Variants in PPP1R12B observed in about 807,000 individuals in gnomAD.
PPP1R12B encodes the protein myosin phosphatase target subunit 2.
Under a neutral mutation model 126.1 loss-of-function variants are expected in PPP1R12B, and 76 were observed. The observed-to-expected ratio is 0.60, with a 90% confidence interval of 0.50 to 0.73. PPP1R12B has a LOEUF of 0.73. Among genes scored for constraint, PPP1R12B ranks in the 30% least tolerant of loss-of-function variants. The pLI is 0.00. For synonymous variants in PPP1R12B, 356 were observed against 434.7 expected (o/e 0.82, Z 2.25); for missense variants, 1,052 against 1,205.1 (o/e 0.87, Z 1.88).
At chr1:202,542,956 C>T (rs1272202788) in intron 18 of PPP1R12B, among the ~76,000 whole-genome samples, 1 of 152,100 alleles carries the variant, frequency 6.6e-6, no homozygotes, top group East Asian at 1.9e-4. Context: ...CAACATTCTT[C>T]AAAACGGAGG....
Position 202,517,480 on chromosome 1 carries a change from A to G in PPP1R12B, c.2490+20658A>G, listed in dbSNP as rs369983846. On this transcript the variant is annotated intron_variant, in intron 18 of 23. Coordinates refer to ENST00000608999, the MANE Select transcript of PPP1R12B (RefSeq NM_002481.4). ...TAAAAATATTGGGGCTTTTATTGTT[A>G]CTGCAACCCACAACTGACCTTTCAG... Among the ~76,000 whole-genome samples the G allele has an allele frequency of 6.0e-4, 92 of 152,300 alleles. No individual in the cohort carries two copies. In the South Asian group the frequency reaches 0.011, roughly 18 times the overall value.
chr1:202,522,245 AAG>A (rs1416449312), intron 18 of PPP1R12B, among the ~76,000 whole-genome samples: 5 of 152,210 alleles, frequency 3.3e-5, no homozygotes, highest in African/African-American at 1.2e-4. Context: ...TACTAAAGCA[AAG>A]AGTGTTAAAA....
At position 202,582,455 on chromosome 1, in the gene PPP1R12B, TATTC is replaced by T. The variant is rs1689597703; in HGVS notation, c.*1897_*1900del. The T allele has an allele frequency of 6.5e-6, 1 of 152,686 alleles. No individual in the cohort carries two copies. Among genetic ancestry groups the T allele is most frequent in the African/African-American group, 2.4e-5 (1 of 41,464 alleles). 9.5% of individuals were successfully genotyped at this position (152,686 alleles called of 1,614,324 possible). A position where few individuals can be genotyped will look rare whatever the true frequency, so the allele number is the denominator to read the frequency against. ...CTCATCATTTTAGGGTTGCCAGTGA[TATTC>T]AGTGTTTAGAGTGGTTCATTCCCTT... is the stretch of plus-strand genomic sequence containing the variant. On this transcript the variant is annotated 3_prime_UTR_variant, in exon 24 of 24. Coordinates refer to ENST00000608999, the MANE Select transcript of PPP1R12B (RefSeq NM_002481.4).
At position 202,441,043 on chromosome 1, in the gene PPP1R12B, A is replaced by C. The variant is rs1671540918; in HGVS notation, c.1541+255A>C. ...TCCCTGATTTTTCCACACATGCATT[A>C]GTTTTATTCTACCAGCAGGCTCTGT... On this transcript the variant is annotated intron_variant, in intron 11 of 23. Coordinates refer to ENST00000608999, the MANE Select transcript of PPP1R12B (RefSeq NM_002481.4). Among the ~76,000 whole-genome samples, 3 of 152,106 alleles carry C rather than the reference A, an allele frequency of 2.0e-5. No homozygotes were observed. The South Asian group carries it at 6.2e-4, about 31-fold the overall frequency.
Position 202,452,698 on chromosome 1 carries a change from G to A in PPP1R12B, c.1850+3527G>A, listed in dbSNP as rs115706431. ...CTTTTGTATGTTGATTTTGAATTCT[G>A]CAACTTTATTGAATTTTTCAGTTCT... On this transcript the variant is annotated intron_variant, in intron 13 of 23. Transcript: ENST00000608999. 3.9e-3 allele frequency among the ~76,000 whole-genome samples: 588 copies of A among 152,250 alleles called. 2 individuals carry two copies. Among genetic ancestry groups the A allele is most frequent in the African/African-American group, 0.013 (555 of 41,534 alleles).
At chr1:202,446,410 T>TA (rs1378903262) in intron 12 of PPP1R12B, among the ~76,000 whole-genome samples, 1 of 148,090 alleles carries the variant, frequency 6.8e-6, no homozygotes, top group Non-Finnish European at 1.5e-5. Context: ...CATGCCACCA[T>TA]ACCCGGCTAA....
intron 1 of PPP1R12B, among the ~76,000 whole-genome samples, chr1:202,356,961 A>G (rs1195895651): frequency 2.0e-5 from 3 of 151,652 alleles, no homozygotes; most frequent in Non-Finnish European, 2.9e-5. Context: ...AGCTGGGATT[A>G]CAGGCGCCCA....
At position 202,581,821 on chromosome 1, in the gene PPP1R12B, A is replaced by ATT. The variant is rs1477046686; in HGVS notation, c.*1262_*1263dup. The ATT allele has an allele frequency of 6.6e-6, 1 of 152,222 alleles. No homozygotes were observed. The highest frequency in any genetic ancestry group is 1.5e-5 in the Non-Finnish European group (1 of 68,048). The allele number at this position is 152,222 out of a possible 1,614,324, so 9.4% of individuals were successfully genotyped here. ...AGCAGAGAGATTTACTTTCTTAGAA[A>ATT]TTAATAGGGGAAATGGCACTTAATA... On this transcript the variant is annotated 3_prime_UTR_variant, in exon 24 of 24. Coordinates refer to ENST00000608999, the MANE Select transcript of PPP1R12B (RefSeq NM_002481.4).
intron 18 of PPP1R12B, among the ~76,000 whole-genome samples, chr1:202,531,907 C>A (rs536261640): frequency 2.0e-5 from 3 of 152,034 alleles, no homozygotes; most frequent in African/African-American, 7.2e-5. Flanking sequence ...TTAGATCTCA[C>A]GCAAGAAAGA....
In PPP1R12B at chr1:202,365,932, A is replaced by G. The variant is rs982521666; in HGVS notation, c.291+16790A>G. Among the ~76,000 whole-genome samples the G allele has an allele frequency of 3.3e-5, 5 of 152,166 alleles. No individual in the cohort carries two copies. In the East Asian group the frequency reaches 7.7e-4, roughly 24 times the overall value. On this transcript the variant is annotated intron_variant, in intron 1 of 23. Coordinates refer to ENST00000608999, the MANE Select transcript of PPP1R12B (RefSeq NM_002481.4). ...CTGAGCCTGGGAGTTTCGGGCTGCA[A>G]TGAACTATGATTGCACCGCTGCACT...
rs140300796 is a variant in PPP1R12B at position 202,573,423 on chromosome 1, G to C, written c.2862+4226G>C. Among the ~76,000 whole-genome samples, 701 of 151,832 alleles carry C rather than the reference G, an allele frequency of 4.6e-3. 6 individuals carry two copies. The highest frequency in any genetic ancestry group is 0.016 in the African/African-American group (674 of 41,396). ...CCTTCATGCTACCTTTCATTTTCTT[G>C]CTTCTTCACTCCCAAACAACTATAA... is the stretch of plus-strand genomic sequence containing the variant. On this transcript the variant is annotated intron_variant, in intron 23 of 23. Coordinates refer to ENST00000608999, the MANE Select transcript of PPP1R12B (RefSeq NM_002481.4).
At chr1:202,449,263 C>A in intron 13 of PPP1R12B, 92 bp downstream of exon 13, 1 of 1,457,146 alleles carries the variant, frequency 6.9e-7, no homozygotes, top group Non-Finnish European at 9.1e-7. Context: ...ATTTCAAATA[C>A]GTTTATGAAA....
chr1:202,364,163 A>G (rs1232881957), intron 1 of PPP1R12B, among the ~76,000 whole-genome samples: 2 of 152,174 alleles, frequency 1.3e-5, no homozygotes, highest in African/African-American at 4.8e-5. Flanking sequence ...CTATTTATCA[A>G]ACTTCTGCTT....
chr1:202,489,228 T>C (rs941988237), intron 14 of PPP1R12B, among the ~76,000 whole-genome samples: 4 of 152,214 alleles, frequency 2.6e-5, no homozygotes, highest in African/African-American at 9.6e-5. Context: ...CAAGATTAAT[T>C]ATTCCACTTG....
At chr1:202,503,108 T>C (rs755160593) in intron 18 of PPP1R12B, among the ~76,000 whole-genome samples, 5 of 152,190 alleles carry the variant, frequency 3.3e-5, no homozygotes, top group Admixed American at 1.3e-4. Flanking sequence ...TAGGAGGCCA[T>C]TATAATACAG....
At chr1:202,561,679 A>C (rs1337345483) in intron 19 of PPP1R12B, among the ~76,000 whole-genome samples, 1 of 152,184 alleles carries the variant, frequency 6.6e-6, no homozygotes, top group African/African-American at 2.4e-5. Flanking sequence ...TAATCAGGAA[A>C]CTCAATAAAG....
intron 13 of PPP1R12B, among the ~76,000 whole-genome samples, chr1:202,461,337 A>G (rs1674286912): frequency 6.6e-6 from 1 of 152,226 alleles, no homozygotes; most frequent in Non-Finnish European, 1.5e-5. Context: ...GAGGATTAGA[A>G]ATAATTTACG....
chr1:202,435,314 CAT>C (rs67686088), intron 9 of PPP1R12B, among the ~76,000 whole-genome samples: 8,161 of 152,232 alleles, frequency 0.054, 293 homozygotes, highest in Non-Finnish European at 0.09. Flanking sequence ...GTTAAGATAA[CAT>C]AAGATAGAGT....
chr1:202,546,556 A>G (rs1685670126), intron 18 of PPP1R12B, among the ~76,000 whole-genome samples: 2 of 152,028 alleles, frequency 1.3e-5, no homozygotes, highest in Non-Finnish European at 2.9e-5. Context: ...GTGAGCCATG[A>G]TTGCACCACT....
Sources: allele counts gnomAD v4.1 joint callset (sites outside exome capture counted in the v4.1 genomes callset), GRCh38; gene constraint gnomAD v4.1.1; transcripts MANE v1.5; gene names NCBI Gene and HGNC (gene_info 2026-07-23, HGNC 2026-07-21).